ANO4: variants seen among roughly 807,000 people sequenced by gnomAD.
ANO4 encodes anoctamin 4.
Under a neutral mutation model 141.9 loss-of-function variants are expected in ANO4, and 69 were observed. That is an observed-to-expected ratio of 0.49 (90% CI 0.40 to 0.59). The LOEUF is 0.59. Among genes scored for constraint, ANO4 ranks in the 20% least tolerant of loss-of-function variants. ANO4 has a pLI of 0.00. For missense variants in ANO4, 894 were observed against 1,162.2 expected (o/e 0.77, Z 3.36); for synonymous variants, 350 against 394.3 (o/e 0.89, Z 1.33).
At chr12:100,900,988 A>G (rs1353522239) in intron 1 of ANO4, among the ~76,000 whole-genome samples, 2 of 152,226 alleles carry the variant, frequency 1.3e-5, no homozygotes, top group Non-Finnish European at 2.9e-5. Context: ...TGGAGTCCAT[A>G]TTAATGATGT....
rs528985450 is a variant in ANO4 at position 101,091,290 on chromosome 12, T to C, written c.1702-2966T>C. Among the ~76,000 whole-genome samples, 4 of 152,260 alleles carry C rather than the reference T, an allele frequency of 2.6e-5. No individual in the cohort carries two copies. The South Asian group carries it at 8.3e-4, about 32-fold the overall frequency. On this transcript the variant is annotated intron_variant, in intron 17 of 27. Transcript: ENST00000392977. ...AAAGAAAAAATGTACATAAGAACTC[T>C]AAAAGCAGCATCAACCAGGACCTCT... is the stretch of plus-strand genomic sequence containing the variant.
chr12:101,006,523 G>T (rs1268781200), intron 8 of ANO4, among the ~76,000 whole-genome samples: 1 of 152,162 alleles, frequency 6.6e-6, no homozygotes, highest in Non-Finnish European at 1.5e-5. Flanking sequence ...GTTCATTAGA[G>T]CATTGTTTAT....
chr12:100,941,487 T>A (rs188929748), intron 4 of ANO4, among the ~76,000 whole-genome samples: 66 of 152,350 alleles, frequency 4.3e-4, no homozygotes, highest in Non-Finnish European at 8.1e-4. Flanking sequence ...TTAAGATTCA[T>A]TTTTATTGTT....
intron 25 of ANO4, among the ~76,000 whole-genome samples, chr12:101,119,555 A>G (rs2050997204): frequency 6.6e-6 from 1 of 152,196 alleles, no homozygotes; most frequent in Non-Finnish European, 1.5e-5. Context: ...TCTATTATAC[A>G]GCAATAAAAA....
chr12:101,066,263 G>T (rs1039413225), intron 14 of ANO4, among the ~76,000 whole-genome samples: 3 of 152,120 alleles, frequency 2.0e-5, no homozygotes, highest in Non-Finnish European at 4.4e-5. Context: ...CCTAGCTAAA[G>T]CAATCAAATA....
chr12:100,799,798 G>A (rs987557725), intron 1 of ANO4, among the ~76,000 whole-genome samples: 4 of 152,148 alleles, frequency 2.6e-5, no homozygotes, highest in Non-Finnish European at 5.9e-5. Flanking sequence ...TTCCACAGAA[G>A]TTAAGGAAGT....
At chr12:100,743,883 A>G (rs1282975805) in intron 3 of ANO4, among the ~76,000 whole-genome samples, 1 of 152,154 alleles carries the variant, frequency 6.6e-6, no homozygotes, top group African/African-American at 2.4e-5. Flanking sequence ...ACCCTCAAGT[A>G]GGCCTTGGTG....
At chr12:100,804,712 GT>G (rs1236573705) in intron 1 of ANO4, among the ~76,000 whole-genome samples, 2 of 152,288 alleles carry the variant, frequency 1.3e-5, no homozygotes, top group Admixed American at 6.5e-5. Context: ...GCGATGCTGA[GT>G]TTTTTTCATG....
At chr12:100,728,987 C>T (rs1189316464) in intron 1 of ANO4, among the ~76,000 whole-genome samples, 3 of 152,022 alleles carry the variant, frequency 2.0e-5, no homozygotes, top group East Asian at 3.9e-4. Context: ...CGCAAACTCA[C>T]TTCTTCCCCG....
In ANO4 at chr12:101,030,874, G is replaced by T. The variant is rs1336101668; in HGVS notation, c.842-6221G>T. ...TTCCTGGACGCAGACACTCTCCCAA[G>T]GCTCAACCAGGAAGAAGTTGAATCC... On this transcript the variant is annotated intron_variant, in intron 9 of 27. Coordinates refer to ENST00000392977, the MANE Select transcript of ANO4 (RefSeq NM_001286615.2). Among the ~76,000 whole-genome samples, 3 of 152,050 alleles carry T rather than the reference G, an allele frequency of 2.0e-5. No homozygotes were observed. In the East Asian group the frequency reaches 5.8e-4, roughly 29 times the overall value.
At chr12:101,047,542 A>G (rs1386562398) in intron 13 of ANO4, among the ~76,000 whole-genome samples, 2 of 152,204 alleles carry the variant, frequency 1.3e-5, no homozygotes, top group African/African-American at 2.4e-5. Context: ...CGAAGGAACA[A>G]TAAAGTATAC....
chr12:101,082,542 A>G (rs576194103), intron 15 of ANO4, among the ~76,000 whole-genome samples: 3 of 152,210 alleles, frequency 2.0e-5, no homozygotes, highest in Non-Finnish European at 4.4e-5. Context: ...TAGGTCTGCT[A>G]TGTTTATCTC....
chr12:101,030,538 A>G (rs1312523138), intron 9 of ANO4, among the ~76,000 whole-genome samples: 1 of 152,218 alleles, frequency 6.6e-6, no homozygotes, highest in African/African-American at 2.4e-5. Context: ...AAAGATCTCA[A>G]ATTGATACAC....
chr12:100,904,725 C>G (rs1264528308), intron 2 of ANO4, among the ~76,000 whole-genome samples: 1 of 152,084 alleles, frequency 6.6e-6, no homozygotes, highest in Non-Finnish European at 1.5e-5. Flanking sequence ...TGAAAGGAAG[C>G]TCTTACAGGG....
At chr12:100,800,440 G>A (rs183813149) in intron 1 of ANO4, among the ~76,000 whole-genome samples, 4 of 152,220 alleles carry the variant, frequency 2.6e-5, no homozygotes, top group African/African-American at 9.6e-5. Flanking sequence ...ATTTCTCAAA[G>A]AATCTGGTTG....
chr12:100,764,936 G>A (rs1300677361), intron 3 of ANO4, among the ~76,000 whole-genome samples: 2 of 152,148 alleles, frequency 1.3e-5, no homozygotes, highest in African/African-American at 4.8e-5. Context: ...TTCTTGTAGT[G>A]TCCTCATCTG....
Position 100,788,431 on chromosome 12 carries a change from A to G in ANO4, c.358+48326A>G, listed in dbSNP as rs189923434. ...CATTCTTGGTCATTCCTGTTTCTGT[A>G]GGGTGCAAGAGTTGGCATATTATTT... is the stretch of plus-strand genomic sequence containing the variant. On this transcript the variant is annotated intron_variant, in intron 3 of 29. Transcript: ENST00000644049. Among the ~76,000 whole-genome samples, 557 of 152,328 alleles carry G rather than the reference A, an allele frequency of 3.7e-3. 2 individuals are homozygous for G. Among genetic ancestry groups the G allele is most frequent in the African/African-American group, 0.013 (523 of 41,582 alleles).
At chr12:100,761,055 T>G (rs929167299) in intron 3 of ANO4, among the ~76,000 whole-genome samples, 7 of 152,176 alleles carry the variant, frequency 4.6e-5, no homozygotes, top group African/African-American at 7.2e-5. Flanking sequence ...CCTTAATGCC[T>G]CTAGCCATTA....
At chr12:100,858,944 G>T (rs2038328475) in intron 1 of ANO4, 1 of 152,164 alleles carries the variant, frequency 6.6e-6, no homozygotes, top group Non-Finnish European at 1.5e-5. Context: ...TTTCACAAAA[G>T]AAGTCATTAT....
Sources: allele counts gnomAD v4.1 joint callset (sites outside exome capture counted in the v4.1 genomes callset), GRCh38; gene constraint gnomAD v4.1.1; transcripts MANE v1.5; gene names NCBI Gene and HGNC (gene_info 2026-07-23, HGNC 2026-07-21).